The following ARID4B variants were observed in gnomAD, a reference collection of about 807,000 sequenced individuals.
The protein encoded by ARID4B is AT-rich interaction domain 4B.
A neutral mutation model predicts 147.5 loss-of-function variants in ARID4B; 26 were observed. That is an observed-to-expected ratio of 0.18 (90% CI 0.13 to 0.24). The LOEUF (loss-of-function observed/expected upper bound fraction) is 0.24. ARID4B is among the 10% of genes least tolerant of loss of function. ARID4B has a pLI of 1.00. For missense variants in ARID4B, 1,179 were observed against 1,511.5 expected (o/e 0.78, Z 3.65); for synonymous variants, 512 against 507.9 (o/e 1.01, Z -0.11).
chr1:235,279,102 G>C (rs1359116476), intron 2 of ARID4B, among the ~76,000 whole-genome samples: 1 of 152,036 alleles, frequency 6.6e-6, no homozygotes, highest in Non-Finnish European at 1.5e-5. Context: ...TGTTAGAAAT[G>C]CAAATTCCCA....
intron 4 of ARID4B, among the ~76,000 whole-genome samples, chr1:235,256,069 G>A (rs1011046645): frequency 6.6e-6 from 1 of 151,308 alleles, no homozygotes; most frequent in African/African-American, 2.4e-5. Context: ...AGCTACTCGG[G>A]AGGCTGAGCC....
rs1668597409 is a variant in ARID4B, at chr1:235,236,833, A to ATATATATATATATAT, written c.586-2342_586-2341insATATATATATATATA. 2.7e-4 allele frequency among the ~76,000 whole-genome samples: 9 copies of ATATATATATATATAT among 33,520 alleles called. 1 individual carries two copies. Among genetic ancestry groups the ATATATATATATATAT allele is most frequent in the African/African-American group, 1.3e-3 (9 of 6,718 alleles). The allele number at this position is 33,520 out of a possible 152,430, so 22.0% of individuals were successfully genotyped here. A position where few individuals can be genotyped will look rare whatever the true frequency, so the allele number is the denominator to read the frequency against. On this transcript the variant is annotated intron_variant, in intron 8 of 23. Coordinates refer to ENST00000264183, the MANE Select transcript of ARID4B (RefSeq NM_016374.6). ...TGGCCCACAAAACGGTTTTATAAAA[A>ATATATATATATATAT]ATATATATATATATATATATATATA...
intron 1 of ARID4B, chr1:235,327,259 C>CCGG (rs1558319625): frequency 1.5e-5 from 3 of 206,364 alleles, no homozygotes; most frequent in African/African-American, 2.3e-5. Context: ...CACAACAAGC[C>CCGG]CGGCGTCCGG....
At chr1:235,209,959 G>C (rs1666605291) in intron 17 of ARID4B, among the ~76,000 whole-genome samples, 1 of 152,094 alleles carries the variant, frequency 6.6e-6, no homozygotes, top group Non-Finnish European at 1.5e-5. Flanking sequence ...CAGGAGCATT[G>C]GTTCATGTCT....
chr1:235,235,642 C>T (rs1668503476), intron 8 of ARID4B, among the ~76,000 whole-genome samples: 1 of 151,974 alleles, frequency 6.6e-6, no homozygotes, highest in African/African-American at 2.4e-5. Flanking sequence ...GATGAGATCA[C>T]CGTAAAGAAA....
Position 235,168,618 on chromosome 1 carries a change from T to A in ARID4B, c.3846A>T (p.Ser1282=). 2 of 1,614,026 alleles carry A rather than the reference T, an allele frequency of 1.2e-6. No individual in the cohort carries two copies. Among genetic ancestry groups the A allele is most frequent in the Non-Finnish European group, 1.7e-6 (2 of 1,179,960 alleles). ...TAACAGCAGCTGTTATGGAACTGGA[T>A]GAAGGTGAAGAGGAGGATGAGGATG... The part of the protein sequence containing the change: ...AATSSSSSSP[S]SSSITAAVML... Residue 1282 remains serine (S), a synonymous_variant, in exon 24 of 24, where the codon TCA becomes TCT. Transcript: ENST00000264183.
chr1:235,201,383 G>A (rs1234804335), intron 17 of ARID4B, among the ~76,000 whole-genome samples: 6 of 151,402 alleles, frequency 4.0e-5, no homozygotes, highest in Admixed American at 1.3e-4. Context: ...ACTGGAGTGC[G>A]GTAGCGCCAT....
At chr1:235,291,201 C>T (rs551013535) in intron 2 of ARID4B, among the ~76,000 whole-genome samples, 8 of 151,184 alleles carry the variant, frequency 5.3e-5, no homozygotes, top group Admixed American at 1.3e-4. Context: ...TCAAGACCAC[C>T]CTGGCTAACA....
intron 14 of ARID4B, 93 bp downstream of exon 14, chr1:235,221,472 T>C (rs749493373): frequency 1.2e-5 from 8 of 670,560 alleles, no homozygotes; most frequent in Non-Finnish European, 2.0e-5. Flanking sequence ...CTGATTTCTT[T>C]AAAGAAATAA....
intron 20 of ARID4B, 58 bp downstream of exon 20, chr1:235,181,527 T>C (rs777567950): frequency 5.8e-6 from 9 of 1,550,052 alleles, no homozygotes; most frequent in South Asian, 2.4e-5. Flanking sequence ...TGTGAAATCA[T>C]TGAAACTTTA....
intron 20 of ARID4B, among the ~76,000 whole-genome samples, chr1:235,179,410 A>G (rs573236551): frequency 6.6e-6 from 1 of 151,374 alleles, no homozygotes; most frequent in African/African-American, 2.4e-5. Context: ...TTAATCCCAG[A>G]TACTCAGCAG....
chr1:235,269,271 C>T (rs556972580), intron 2 of ARID4B, among the ~76,000 whole-genome samples: 92 of 152,258 alleles, frequency 6.0e-4, no homozygotes, highest in African/African-American at 2.2e-3. Flanking sequence ...CAGCGTTTGG[C>T]AACCATCATA....
At chr1:235,188,931 A>C (rs1052577989) in intron 19 of ARID4B, among the ~76,000 whole-genome samples, 1 of 152,194 alleles carries the variant, frequency 6.6e-6, no homozygotes, top group African/African-American at 2.4e-5. Flanking sequence ...GAAGAGCTCA[A>C]AACAACAACA....
intron 2 of ARID4B, chr1:235,296,382 T>C (rs894038153): frequency 2.0e-5 from 3 of 152,168 alleles, no homozygotes; most frequent in African/African-American, 7.2e-5. Context: ...TTTTTCACCA[T>C]AAAATAAATA....
intron 22 of ARID4B, among the ~76,000 whole-genome samples, chr1:235,173,764 AAAAAAAAATATATATATAT>A (rs1663581348): frequency 3.9e-5 from 2 of 50,882 alleles, no homozygotes; most frequent in African/African-American, 2.3e-4. Context: ...AAAAAAAAAA[AAAAAAAAATATATATATAT>A]ATATATATAT....
At chr1:235,275,806 T>C (rs1320669240) in intron 2 of ARID4B, among the ~76,000 whole-genome samples, 1 of 152,210 alleles carries the variant, frequency 6.6e-6, no homozygotes, top group Non-Finnish European at 1.5e-5. Context: ...ATTAAACCAA[T>C]TCCAGTTTAC....
intron 19 of ARID4B, among the ~76,000 whole-genome samples, chr1:235,190,655 T>C (rs1665033485): frequency 6.6e-6 from 1 of 152,114 alleles, no homozygotes; most frequent in African/African-American, 2.4e-5. Flanking sequence ...ATAAAGATAT[T>C]TGCAAAAATA....
intron 7 of ARID4B, among the ~76,000 whole-genome samples, chr1:235,242,785 C>T (rs1669073080): frequency 6.6e-6 from 1 of 152,080 alleles, no homozygotes; most frequent in Non-Finnish European, 1.5e-5. Flanking sequence ...AACATCTATC[C>T]ACCTTACATA....
At chr1:235,253,834 T>C (rs1258802091) in intron 5 of ARID4B, among the ~76,000 whole-genome samples, 1 of 152,198 alleles carries the variant, frequency 6.6e-6, no homozygotes, top group Non-Finnish European at 1.5e-5. Context: ...AATTACATTT[T>C]CTGCCTACCT....
Sources: allele counts gnomAD v4.1 joint callset (sites outside exome capture counted in the v4.1 genomes callset), GRCh38; gene constraint gnomAD v4.1.1; transcripts MANE v1.5; gene names NCBI Gene and HGNC (gene_info 2026-07-23, HGNC 2026-07-21).